RNF180: variants seen among roughly 807,000 people sequenced by gnomAD.
RNF180 encodes ring finger protein 180.
Under a neutral mutation model 59.2 loss-of-function variants are expected in RNF180, and 38 were observed. That is an observed-to-expected ratio of 0.64 (90% CI 0.50 to 0.84). The LOEUF (loss-of-function observed/expected upper bound fraction) is 0.84. RNF180 is among the 40% of genes least tolerant of loss of function. The probability of loss-of-function intolerance (pLI) is 0.00; values close to 1 mark genes in which losing one functional copy is unlikely to be tolerated. For synonymous variants in RNF180, 262 were observed against 240.3 expected, an observed-to-expected ratio of 1.09 and a Z score of -0.84; for missense variants, 705 against 700.9, an observed-to-expected ratio of 1.01 and a Z score of -0.07.
intron 5 of RNF180, among the ~76,000 whole-genome samples, chr5:64,249,299 G>T (rs1743409005): frequency 6.6e-6 from 1 of 152,126 alleles, no homozygotes; most frequent in Admixed American, 6.6e-5. Context: ...AGACAGAGAG[G>T]ATTCTAAAAG....
intron 5 of RNF180, among the ~76,000 whole-genome samples, chr5:64,222,839 G>A (rs893644053): frequency 6.6e-6 from 1 of 152,102 alleles, no homozygotes; most frequent in Non-Finnish European, 1.5e-5. Context: ...CATGAGTTTC[G>A]GGGAGGAAGA....
intron 5 of RNF180, among the ~76,000 whole-genome samples, chr5:64,282,848 A>G (rs1240684939): frequency 6.6e-6 from 1 of 152,032 alleles, no homozygotes; most frequent in East Asian, 1.9e-4. Flanking sequence ...TTCTATCTTT[A>G]TTGTGCTGTG....
At chr5:64,262,553 A>G (rs1037643097) in intron 5 of RNF180, among the ~76,000 whole-genome samples, 5 of 152,094 alleles carry the variant, frequency 3.3e-5, no homozygotes, top group African/African-American at 4.8e-5. Flanking sequence ...GTGATTTACC[A>G]GTAACAGGCT....
At chr5:64,319,817 G>C (rs554447763) in intron 5 of RNF180, among the ~76,000 whole-genome samples, 40 of 152,340 alleles carry the variant, frequency 2.6e-4, no homozygotes, top group Admixed American at 7.8e-4. Context: ...ACTAGCAGCA[G>C]TCAAAACAAA....
intron 5 of RNF180, among the ~76,000 whole-genome samples, chr5:64,309,762 TATATATAA>T (rs1743664442): frequency 6.6e-6 from 1 of 151,612 alleles, no homozygotes; most frequent in African/African-American, 2.4e-5. Context: ...ATTTTAGTAA[TATATATAA>T]ATAAATTCAG....
intron 1 of RNF180, among the ~76,000 whole-genome samples, chr5:64,175,218 C>T (rs771824419): frequency 4.4e-4 from 67 of 152,058 alleles, no homozygotes; most frequent in Non-Finnish European, 8.2e-4. Context: ...ATGCCCGCCT[C>T]GGACTCCCAA....
In RNF180 at chr5:64,217,620, A is replaced by G. The variant is rs553027068; in HGVS notation, c.1227+224A>G. 5 of 589,974 alleles carry G rather than the reference A, an allele frequency of 8.5e-6. No individual in the cohort carries two copies. In the East Asian group the frequency reaches 1.6e-4, roughly 19 times the overall value. 36.5% of individuals were successfully genotyped at this position (589,974 alleles called of 1,614,324 possible). A position where few individuals can be genotyped will look rare whatever the true frequency, so the allele number is the denominator to read the frequency against. The stretch of plus-strand genomic sequence containing the variant: ...TTAAGGATGCTGAACATATGTGCTT[A>G]TTTTACATTTGTATATATTCTTTAG... On this transcript the variant is annotated intron_variant, in intron 5 of 7. Coordinates refer to ENST00000389100, the MANE Select transcript of RNF180 (RefSeq NM_001113561.2).
chr5:64,301,468 T>C (rs141656008), intron 5 of RNF180, among the ~76,000 whole-genome samples: 15 of 151,906 alleles, frequency 9.9e-5, no homozygotes, highest in Admixed American at 3.3e-4. Flanking sequence ...TTTTATTTTA[T>C]GAAATGACAG....
chr5:64,202,358 A>G (rs751554895), intron 2 of RNF180, among the ~76,000 whole-genome samples: 3 of 152,176 alleles, frequency 2.0e-5, no homozygotes, highest in Non-Finnish European at 2.9e-5. Flanking sequence ...GCTATGTGCC[A>G]TTTATGAATA....
intron 5 of RNF180, among the ~76,000 whole-genome samples, chr5:64,322,694 C>A (rs975658913): frequency 3.3e-5 from 5 of 151,102 alleles, no homozygotes; most frequent in African/African-American, 1.2e-4. Context: ...TTCTCAGCAA[C>A]CTGGATGGAA....
chr5:64,237,619 G>C (rs1742519631), intron 5 of RNF180, among the ~76,000 whole-genome samples: 1 of 152,128 alleles, frequency 6.6e-6, no homozygotes, highest in South Asian at 2.1e-4. Context: ...GATTTGGGAA[G>C]GGCCAGAGGC....
intron 5 of RNF180, among the ~76,000 whole-genome samples, chr5:64,251,648 C>T (rs190205336): frequency 1.8e-4 from 27 of 152,204 alleles, no homozygotes; most frequent in African/African-American, 5.8e-4. Flanking sequence ...ATGGTCTGGC[C>T]TCAGGCAATC....
chr5:64,356,901 G>A (rs1746050882), intron 7 of RNF180, among the ~76,000 whole-genome samples: 1 of 151,842 alleles, frequency 6.6e-6, no homozygotes, highest in Non-Finnish European at 1.5e-5. Flanking sequence ...ATAAATAGTG[G>A]TGATGGTTGT....
rs1357001593 is a variant in RNF180, at chr5:64,273,561, A to T, written c.1228-51625A>T. Among the ~76,000 whole-genome samples, 4 of 152,040 alleles carry T rather than the reference A, an allele frequency of 2.6e-5. No homozygotes were observed. The South Asian group carries it at 6.2e-4, about 24-fold the overall frequency. ...TGTTGTATCATAAAGATGAAAAAAA[A>T]GTAACACCTATTTCAAGATATTTGA... On this transcript the variant is annotated intron_variant, in intron 5 of 7. Coordinates refer to ENST00000389100, the MANE Select transcript of RNF180 (RefSeq NM_001113561.2).
intron 5 of RNF180, among the ~76,000 whole-genome samples, chr5:64,241,134 A>G (rs1742784579): frequency 6.6e-6 from 1 of 152,248 alleles, no homozygotes; most frequent in Non-Finnish European, 1.5e-5. Context: ...TGCAAATATA[A>G]TACAAATACA....
intron 1 of RNF180, among the ~76,000 whole-genome samples, chr5:64,181,986 C>CTTTTTTTTTTTTTTTTT (rs1190089130): frequency 1.1e-5 from 1 of 94,620 alleles, no homozygotes; most frequent in Non-Finnish European, 2.0e-5. Flanking sequence ...CTGCTACTGT[C>CTTTTTTTTTTTTTTTTT]TTTTTTTTTT....
rs931278204 is a variant in RNF180 at position 64,337,275 on chromosome 5, C to A, written c.1579+6869C>A. Among the ~76,000 whole-genome samples the A allele has an allele frequency of 2.6e-5, 4 of 152,236 alleles. No homozygotes were observed. In the East Asian group the frequency reaches 7.7e-4, roughly 29 times the overall value. On this transcript the variant is annotated intron_variant, in intron 7 of 7. Transcript: ENST00000389100. ...CCTCCTTCCTCGGCCTCCCAAAGTG[C>A]TAGGATTACAGGCATGAGCCACCCT...
At chr5:64,262,309 G>A (rs995395297) in intron 5 of RNF180, among the ~76,000 whole-genome samples, 6 of 152,052 alleles carry the variant, frequency 3.9e-5, no homozygotes, top group African/African-American at 7.2e-5. Context: ...GCAGTTTGGG[G>A]GAATCAGGAG....
chr5:64,251,718 T>TA (rs1300078715), intron 5 of RNF180, among the ~76,000 whole-genome samples: 1 of 152,114 alleles, frequency 6.6e-6, no homozygotes, highest in Non-Finnish European at 1.5e-5. Flanking sequence ...AAAGACCCCA[T>TA]AAAAAACTTT....
Sources: gnomAD v4.1 joint callset for allele counts (sites outside exome capture counted in the v4.1 genomes callset) on GRCh38, gnomAD v4.1.1 for gene constraint, MANE v1.5 for transcripts, NCBI Gene and HGNC (gene_info 2026-07-23, HGNC 2026-07-21) for gene names.